AUTS2: variants seen among roughly 807,000 people sequenced by gnomAD.
The protein encoded by AUTS2 is activator of transcription and developmental regulator AUTS2.
In AUTS2, 17 loss-of-function variants were observed where a neutral mutation model predicts 112.4. That is an observed-to-expected ratio of 0.15 (90% CI 0.10 to 0.23). The LOEUF (loss-of-function observed/expected upper bound fraction) is 0.23, where lower values mean the gene tolerates loss of function less well. Ranked by LOEUF, AUTS2 falls within the 10% of genes least tolerant of loss-of-function variation. The pLI is 1.00. For missense variants in AUTS2, 1,510 were observed against 1,701.6 expected (o/e 0.89, Z 1.98); for synonymous variants, 751 against 702.7 (o/e 1.07, Z -1.09).
chr7:70,302,476 G>A (rs1036841697), intron 4 of AUTS2, among the ~76,000 whole-genome samples: 2 of 151,880 alleles, frequency 1.3e-5, no homozygotes, highest in African/African-American at 4.8e-5. Context: ...TAGTGTTATA[G>A]TCATTAAAAA....
chr7:70,699,646 C>T (rs1809336661), intron 6 of AUTS2, among the ~76,000 whole-genome samples: 1 of 152,152 alleles, frequency 6.6e-6, no homozygotes, highest in African/African-American at 2.4e-5. Flanking sequence ...TATGTGATTG[C>T]CGTTACTCCC....
At chr7:70,208,219 T>TCA (rs1415702542) in intron 4 of AUTS2, among the ~76,000 whole-genome samples, 1 of 152,126 alleles carries the variant, frequency 6.6e-6, no homozygotes, top group African/African-American at 2.4e-5. Context: ...CTTTAAAAAG[T>TCA]CACACACATG....
At chr7:69,645,998 C>G (rs912520436) in intron 1 of AUTS2, among the ~76,000 whole-genome samples, 1 of 150,736 alleles carries the variant, frequency 6.6e-6, no homozygotes, top group African/African-American at 2.4e-5. Flanking sequence ...CCTTCTTCCC[C>G]TACCTCCTTC....
intron 1 of AUTS2, among the ~76,000 whole-genome samples, chr7:69,870,822 T>C (rs1214811579): frequency 6.6e-6 from 1 of 152,182 alleles, no homozygotes; most frequent in Non-Finnish European, 1.5e-5. Context: ...TATGGTGTTT[T>C]AAATTAGCTG....
chr7:70,296,699 T>C (rs889605054), intron 4 of AUTS2, among the ~76,000 whole-genome samples: 1 of 152,222 alleles, frequency 6.6e-6, no homozygotes. Context: ...TTATCAACCA[T>C]GCTGAGGCAT....
intron 4 of AUTS2, among the ~76,000 whole-genome samples, chr7:70,213,462 G>A (rs1454701633): frequency 6.6e-6 from 1 of 151,160 alleles, no homozygotes; most frequent in Non-Finnish European, 1.5e-5. Flanking sequence ...GATCACTTGA[G>A]GAGTTTGAAG....
intron 1 of AUTS2, among the ~76,000 whole-genome samples, chr7:69,884,122 G>A (rs1794172526): frequency 6.6e-6 from 1 of 152,168 alleles, no homozygotes; most frequent in Non-Finnish European, 1.5e-5. Flanking sequence ...TCATCTGTGG[G>A]CACAGTTTCT....
chr7:69,663,978 A>G (rs561135769), intron 1 of AUTS2, among the ~76,000 whole-genome samples: 1 of 152,334 alleles, frequency 6.6e-6, no homozygotes, highest in East Asian at 1.9e-4. Flanking sequence ...ATTTAAACTC[A>G]TATTTTATCC....
chr7:70,668,369 C>T (rs996685248), intron 5 of AUTS2, among the ~76,000 whole-genome samples: 6 of 152,198 alleles, frequency 3.9e-5, no homozygotes, highest in Admixed American at 1.3e-4. Flanking sequence ...ACAGAAGACT[C>T]TCATCAGTTA....
intron 5 of AUTS2, among the ~76,000 whole-genome samples, chr7:70,575,734 G>A (rs1443521866): frequency 6.6e-6 from 1 of 152,108 alleles, no homozygotes; most frequent in Non-Finnish European, 1.5e-5. Flanking sequence ...TCCCACTTTG[G>A]AAGTCAGCAC....
chr7:69,738,678 G>C (rs180976560), intron 1 of AUTS2, among the ~76,000 whole-genome samples: 1 of 152,266 alleles, frequency 6.6e-6, no homozygotes, highest in Non-Finnish European at 1.5e-5. Context: ...GGAAGGAATG[G>C]AATCTAGTCT....
intron 1 of AUTS2, among the ~76,000 whole-genome samples, chr7:69,754,599 A>G (rs996689022): frequency 1.3e-5 from 2 of 152,094 alleles, no homozygotes; most frequent in Admixed American, 6.6e-5. Flanking sequence ...AGTATTTCAG[A>G]TGGGGATTGT....
intron 1 of AUTS2, among the ~76,000 whole-genome samples, chr7:69,828,783 C>G (rs952939168): frequency 1.3e-5 from 2 of 152,094 alleles, no homozygotes; most frequent in Admixed American, 1.3e-4. Context: ...AGCAAGGGGA[C>G]AGGCCATGAG....
chr7:69,639,668 T>G (rs769254144), intron 1 of AUTS2, among the ~76,000 whole-genome samples: 4 of 152,236 alleles, frequency 2.6e-5, no homozygotes, highest in Non-Finnish European at 5.9e-5. Flanking sequence ...ACCTAAAGGC[T>G]TCCGTCTTGC....
chr7:70,717,908 C>T (rs1810468448), intron 6 of AUTS2, among the ~76,000 whole-genome samples: 1 of 152,218 alleles, frequency 6.6e-6, no homozygotes, highest in Admixed American at 6.5e-5. Context: ...TTACACCCAG[C>T]GCCACCTGCC....
intron 5 of AUTS2, among the ~76,000 whole-genome samples, chr7:70,642,319 T>C (rs73451604): frequency 0.014 from 2,076 of 152,338 alleles, 51 homozygotes; most frequent in African/African-American, 0.048. Flanking sequence ...TTACTTTTGC[T>C]ATAGTGAAAC....
intron 1 of AUTS2, among the ~76,000 whole-genome samples, chr7:69,812,849 A>G (rs942637549): frequency 1.3e-5 from 2 of 152,146 alleles, no homozygotes; most frequent in Admixed American, 6.5e-5. Context: ...CCCTGGTCTG[A>G]GTTGCCATCA....
At chr7:69,699,476 A>C (rs1210763538) in intron 1 of AUTS2, among the ~76,000 whole-genome samples, 1 of 152,058 alleles carries the variant, frequency 6.6e-6, no homozygotes, top group Non-Finnish European at 1.5e-5. Flanking sequence ...AGTTACCAAT[A>C]TATCTTGGAG....
rs765456183 is a variant in AUTS2 at position 70,406,720 on chromosome 7, A to G, written c.661-29032A>G. On this transcript the variant is annotated intron_variant, in intron 4 of 18. Coordinates refer to ENST00000342771, the MANE Select transcript of AUTS2 (RefSeq NM_015570.4). ...TCAGCAGGGACCCAAGGCATTTCCC[A>G]GTGACATCAATTCGTCTTCTCTTGC... 1.1e-4 allele frequency among the ~76,000 whole-genome samples: 16 copies of G among 152,338 alleles called. No individual in the cohort carries two copies. In the Middle Eastern group the frequency reaches 0.01, roughly 97 times the overall value.
Sources: allele counts gnomAD v4.1 joint callset (sites outside exome capture counted in the v4.1 genomes callset), GRCh38; gene constraint gnomAD v4.1.1; transcripts MANE v1.5; gene names NCBI Gene and HGNC (gene_info 2026-07-23, HGNC 2026-07-21).